PPP1R12A: variants seen among roughly 807,000 people sequenced by gnomAD.
PPP1R12A encodes protein phosphatase 1 regulatory subunit 12A.
A neutral mutation model predicts 139.6 loss-of-function variants in PPP1R12A; 19 were observed. That is an observed-to-expected ratio of 0.14 (90% CI 0.09 to 0.20). The LOEUF (loss-of-function observed/expected upper bound fraction) is 0.20. Among genes scored for constraint, PPP1R12A ranks in the 10% least tolerant of loss-of-function variants. The pLI, the probability that PPP1R12A is intolerant of heterozygous loss-of-function variation, is 1.00. For synonymous variants in PPP1R12A, 427 were observed against 420.6 expected, an observed-to-expected ratio of 1.02 and a Z score of -0.19; for missense variants, 925 against 1,211.5, an observed-to-expected ratio of 0.76 and a Z score of 3.51.
intron 1 of PPP1R12A, among the ~76,000 whole-genome samples, chr12:79,906,056 C>T (rs923627815): frequency 6.6e-6 from 1 of 152,070 alleles, no homozygotes; most frequent in African/African-American, 2.4e-5. Context: ...TGAAAAAAAT[C>T]TTATGCATCA....
At chr12:79,782,991 C>A (rs1870648187) in intron 22 of PPP1R12A, among the ~76,000 whole-genome samples, 1 of 151,990 alleles carries the variant, frequency 6.6e-6, no homozygotes, top group Non-Finnish European at 1.5e-5. Flanking sequence ...ACTTTTTGAT[C>A]CCTCTTTCAC....
At chr12:79,815,995 TCTGC>T (rs1303890188) in intron 9 of PPP1R12A, among the ~76,000 whole-genome samples, 3 of 151,924 alleles carry the variant, frequency 2.0e-5, no homozygotes, top group African/African-American at 4.8e-5. Flanking sequence ...TTTTTTTTAT[TCTGC>T]AGTTTATGAT....
At chr12:79,896,578 C>T (rs563524910) in intron 1 of PPP1R12A, among the ~76,000 whole-genome samples, 2 of 152,286 alleles carry the variant, frequency 1.3e-5, no homozygotes, top group South Asian at 2.1e-4. Context: ...AGTGATGCTC[C>T]CATCTCAGCC....
chr12:79,923,205 C>T (rs1170092222), intron 1 of PPP1R12A, among the ~76,000 whole-genome samples: 3 of 152,078 alleles, frequency 2.0e-5, no homozygotes, highest in African/African-American at 4.8e-5. Flanking sequence ...ACCCAGGAGA[C>T]GGTAGTTGCA....
At chr12:79,878,777 G>A (rs926754421) in intron 1 of PPP1R12A, among the ~76,000 whole-genome samples, 2 of 152,064 alleles carry the variant, frequency 1.3e-5, no homozygotes, top group African/African-American at 4.8e-5. Flanking sequence ...AGCAGCATGG[G>A]GGTAACTGCC....
intron 3 of PPP1R12A, among the ~76,000 whole-genome samples, chr12:79,835,225 T>C (rs564472992): frequency 7.9e-5 from 12 of 152,274 alleles, no homozygotes; most frequent in Admixed American, 2.6e-4. Flanking sequence ...CAGTGGCTCC[T>C]TGGGGAGCTG....
intron 18 of PPP1R12A, 63 bp downstream of exon 18, chr12:79,795,575 T>G (rs906092579): frequency 2.7e-6 from 4 of 1,474,954 alleles, no homozygotes; most frequent in Non-Finnish European, 2.8e-6. Flanking sequence ...AGTATGTATT[T>G]TTGGACACAT....
At chr12:79,844,452 T>G (rs1879148686) in intron 3 of PPP1R12A, among the ~76,000 whole-genome samples, 1 of 152,228 alleles carries the variant, frequency 6.6e-6, no homozygotes, top group African/African-American at 2.4e-5. Flanking sequence ...TTCTAGCTAA[T>G]GACTCAATAA....
intron 1 of PPP1R12A, among the ~76,000 whole-genome samples, chr12:79,919,241 G>C (rs367902912): frequency 6.6e-6 from 1 of 151,910 alleles, no homozygotes; most frequent in East Asian, 1.9e-4. Context: ...TCGCTGAGCA[G>C]CTCAAACATC....
chr12:79,821,005 C>T, intron 7 of PPP1R12A, 73 bp downstream of exon 7: 1 of 1,596,384 alleles, frequency 6.3e-7, no homozygotes, highest in Non-Finnish European at 8.6e-7. Context: ...CCCAGATCCA[C>T]AATAATCATG....
At chr12:79,887,754 C>T (rs1168572102) in intron 1 of PPP1R12A, among the ~76,000 whole-genome samples, 1 of 152,100 alleles carries the variant, frequency 6.6e-6, no homozygotes, top group Non-Finnish European at 1.5e-5. Flanking sequence ...ACAAAAGCTT[C>T]TACTTACTAT....
intron 1 of PPP1R12A, among the ~76,000 whole-genome samples, chr12:79,908,441 G>A (rs889000201): frequency 1.3e-5 from 2 of 152,098 alleles, no homozygotes; most frequent in Non-Finnish European, 2.9e-5. Flanking sequence ...TTTTCTTGTA[G>A]TCTTTTCATT....
chr12:79,813,299 C>G (rs994177979), intron 9 of PPP1R12A, among the ~76,000 whole-genome samples: 1 of 152,130 alleles, frequency 6.6e-6, no homozygotes, highest in Non-Finnish European at 1.5e-5. Flanking sequence ...GGTTTACAAG[C>G]CCTTCTTCTC....
chr12:79,822,304 G>T, intron 5 of PPP1R12A, 114 bp from the exon 6 acceptor site: 1 of 684,890 alleles, frequency 1.5e-6, no homozygotes. Flanking sequence ...TTTTACAGTG[G>T]TTATGATACA....
intron 1 of PPP1R12A, among the ~76,000 whole-genome samples, chr12:79,928,432 G>T (rs185710962): frequency 2.6e-5 from 4 of 152,326 alleles, no homozygotes; most frequent in Admixed American, 1.3e-4. Flanking sequence ...CCAGTTTGGG[G>T]TTGGGAGGGT....
At chr12:79,782,212 G>A in intron 22 of PPP1R12A, 1 of 174,448 alleles carries the variant, frequency 5.7e-6, no homozygotes, top group South Asian at 1.5e-4. Flanking sequence ...TACACCATCA[G>A]GAGTGGCTAA....
intron 24 of PPP1R12A, chr12:79,777,206 G>C (rs1228901280): frequency 3.9e-5 from 36 of 919,492 alleles, no homozygotes; most frequent in Non-Finnish European, 4.7e-5. Context: ...CTCTAGTAAA[G>C]AACTGTAAAT....
chr12:79,789,765 G>T, intron 20 of PPP1R12A: 1 of 372,514 alleles, frequency 2.7e-6, no homozygotes, highest in East Asian at 8.1e-5. Context: ...GGATAATTTT[G>T]AATTAGGTGA....
At chr12:79,906,812 T>A (rs1447969135) in intron 1 of PPP1R12A, among the ~76,000 whole-genome samples, 1 of 152,110 alleles carries the variant, frequency 6.6e-6, no homozygotes, top group East Asian at 1.9e-4. Context: ...CCCAGCTAAC[T>A]TTTTTGTATT....
Sources: gnomAD v4.1 joint callset for allele counts (sites outside exome capture counted in the v4.1 genomes callset) on GRCh38, gnomAD v4.1.1 for gene constraint, MANE v1.5 for transcripts, NCBI Gene and HGNC (gene_info 2026-07-23, HGNC 2026-07-21) for gene names.